The following BICC1 variants were observed in gnomAD, a reference collection of about 807,000 sequenced individuals.
The protein encoded by BICC1 is BicC family RNA binding protein 1.
BICC1 carries 43 observed loss-of-function variants against 111.0 expected under a neutral mutation model. The observed-to-expected ratio is 0.39, with a 90% confidence interval of 0.30 to 0.50. The LOEUF (loss-of-function observed/expected upper bound fraction) is 0.50. Ranked by LOEUF, BICC1 falls within the 20% of genes least tolerant of loss-of-function variation. The pLI is 0.88. For missense variants in BICC1, 1,091 were observed against 1,203.2 expected (o/e 0.91, Z 1.38); for synonymous variants, 467 against 434.4 (o/e 1.07, Z -0.93).
At chr10:58,515,014 A>C (rs1842204874) in intron 1 of BICC1, among the ~76,000 whole-genome samples, 1 of 152,230 alleles carries the variant, frequency 6.6e-6, no homozygotes, top group Non-Finnish European at 1.5e-5. Context: ...AAGTAAGGAC[A>C]GTGATGTTAG....
intron 1 of BICC1, among the ~76,000 whole-genome samples, chr10:58,525,565 G>T (rs749718955): frequency 1.6e-4 from 19 of 119,182 alleles, no homozygotes; most frequent in Non-Finnish European, 3.0e-4. Context: ...CCTGTTGTGG[G>T]GTGGGGGGAG....
At chr10:58,632,505 AT>A (rs1224920221) in intron 2 of BICC1, among the ~76,000 whole-genome samples, 371 of 146,222 alleles carry the variant, frequency 2.5e-3, no homozygotes, top group Middle Eastern at 7.2e-3. Context: ...GGAGGGAGTG[AT>A]TTTTTTTTTT....
At chr10:58,661,032 G>A (rs1414361835) in intron 2 of BICC1, among the ~76,000 whole-genome samples, 1 of 152,160 alleles carries the variant, frequency 6.6e-6, no homozygotes, top group Admixed American at 6.5e-5. Flanking sequence ...CTGTAGTGGG[G>A]TGTTGATGGC....
chr10:58,584,922 T>C (rs1244936417), intron 1 of BICC1, among the ~76,000 whole-genome samples: 2 of 152,284 alleles, frequency 1.3e-5, no homozygotes, highest in Admixed American at 6.5e-5. Context: ...ATATTAATGA[T>C]TGTGTATTTT....
intron 3 of BICC1, among the ~76,000 whole-genome samples, chr10:58,734,154 T>C (rs886169129): frequency 1.3e-5 from 2 of 152,216 alleles, no homozygotes; most frequent in African/African-American, 4.8e-5. Context: ...CCACCCTGCC[T>C]CTGATTATCT....
intron 1 of BICC1, among the ~76,000 whole-genome samples, chr10:58,566,423 T>C (rs889880326): frequency 2.0e-5 from 3 of 152,170 alleles, no homozygotes; most frequent in Admixed American, 2.0e-4. Flanking sequence ...TTTAGGCTAG[T>C]TTCATATTTT....
chr10:58,789,617 G>A, intron 7 of BICC1, 65 bp from the exon 8 acceptor site: 1 of 1,577,594 alleles, frequency 6.3e-7, no homozygotes, highest in African/African-American at 1.4e-5. Context: ...AAATGCAATA[G>A]AATCTTTCCC....
At chr10:58,627,294 AG>A (rs1031087826) in intron 2 of BICC1, among the ~76,000 whole-genome samples, 2 of 152,374 alleles carry the variant, frequency 1.3e-5, no homozygotes, top group Admixed American at 1.3e-4. Context: ...AGGTCTTTTA[AG>A]AAGGGTCACA....
intron 1 of BICC1, among the ~76,000 whole-genome samples, chr10:58,566,344 A>C (rs1200150344): frequency 6.6e-6 from 1 of 152,036 alleles, no homozygotes; most frequent in African/African-American, 2.4e-5. Flanking sequence ...ATATATACAT[A>C]CACATATATA....
intron 1 of BICC1, among the ~76,000 whole-genome samples, chr10:58,527,463 T>A (rs1842574665): frequency 6.6e-6 from 1 of 152,216 alleles, no homozygotes; most frequent in Non-Finnish European, 1.5e-5. Context: ...TTGTTGCCAT[T>A]GCTTTTTGTG....
chr10:58,818,662 G>A (rs1249415791), intron 19 of BICC1, among the ~76,000 whole-genome samples: 1 of 151,892 alleles, frequency 6.6e-6, no homozygotes, highest in African/African-American at 2.4e-5. Context: ...CAATTGTTGT[G>A]TGTATTAAAT....
At position 58,649,583 on chromosome 10, in the gene BICC1, C is replaced by G. The variant is rs34183121; in HGVS notation, c.237+28682C>G. ...TTCAACTCCCACGAGAGAGCTGCACCTGTGGAGGCTGTCAGCAGCCAGTTA... is the reference window on the plus strand; with the variant it reads ...TTCAACTCCCACGAGAGAGCTGCACGTGTGGAGGCTGTCAGCAGCCAGTTA... On this transcript the variant is annotated intron_variant, in intron 2 of 20. Coordinates refer to ENST00000373886, the MANE Select transcript of BICC1 (RefSeq NM_001080512.3). 2.8e-3 allele frequency among the ~76,000 whole-genome samples: 419 copies of G among 152,224 alleles called. 3 individuals carry two copies. Among genetic ancestry groups the G allele is most frequent in the Admixed American group, 0.019 (283 of 15,276 alleles).
At chr10:58,629,978 G>A (rs762679652) in intron 2 of BICC1, among the ~76,000 whole-genome samples, 1 of 152,172 alleles carries the variant, frequency 6.6e-6, no homozygotes, top group Non-Finnish European at 1.5e-5. Context: ...CTTGCTGCAT[G>A]AAAAAGGAGA....
chr10:58,620,135 A>G (rs750482537), intron 1 of BICC1, among the ~76,000 whole-genome samples: 2 of 152,120 alleles, frequency 1.3e-5, no homozygotes, highest in African/African-American at 2.4e-5. Context: ...CTTTTAGTCA[A>G]ATTCCCCACC....
At chr10:58,596,187 A>G (rs552300769) in intron 1 of BICC1, among the ~76,000 whole-genome samples, 1 of 152,336 alleles carries the variant, frequency 6.6e-6, no homozygotes, top group African/African-American at 2.4e-5. Context: ...GAATAAACCA[A>G]TAATAAGTTC....
chr10:58,731,915 G>T (rs1378191506), intron 3 of BICC1, among the ~76,000 whole-genome samples: 1 of 152,200 alleles, frequency 6.6e-6, no homozygotes, highest in Non-Finnish European at 1.5e-5. Flanking sequence ...AATTCAAAAT[G>T]AGATTTTGTG....
intron 1 of BICC1, among the ~76,000 whole-genome samples, chr10:58,617,050 A>G (rs541801881): frequency 1.3e-5 from 2 of 152,234 alleles, no homozygotes; most frequent in Non-Finnish European, 2.9e-5. Flanking sequence ...GACCACAGAT[A>G]GTTTTGGCTG....
chr10:58,785,406 A>G (rs920301468), intron 4 of BICC1, among the ~76,000 whole-genome samples: 4 of 152,108 alleles, frequency 2.6e-5, no homozygotes, highest in African/African-American at 9.7e-5. Context: ...ATTGGCCCTG[A>G]TTAATATAGG....
chr10:58,564,610 CT>C (rs1157650823), intron 1 of BICC1, among the ~76,000 whole-genome samples: 1 of 152,148 alleles, frequency 6.6e-6, no homozygotes, highest in Admixed American at 6.5e-5. Flanking sequence ...TCAATTGCCC[CT>C]TGTTCATTGT....
Sources: gnomAD v4.1 joint callset for allele counts (sites outside exome capture counted in the v4.1 genomes callset) on GRCh38, gnomAD v4.1.1 for gene constraint, MANE v1.5 for transcripts, NCBI Gene and HGNC (gene_info 2026-07-23, HGNC 2026-07-21) for gene names.